The following MGAT4C variants were observed in gnomAD, a reference collection of about 807,000 sequenced individuals.
MGAT4C encodes alpha-1,3-mannosyl-glycoprotein 4-beta-N-acetylglucosaminyltransferase C.
In MGAT4C, 19 loss-of-function variants were observed where a neutral mutation model predicts 40.1. That is an observed-to-expected ratio of 0.47 (90% CI 0.33 to 0.70). The LOEUF (loss-of-function observed/expected upper bound fraction) is 0.70, where lower values mean the gene tolerates loss of function less well. MGAT4C is among the 30% of genes least tolerant of loss of function. The pLI is 0.02. For missense variants in MGAT4C, 491 were observed against 563.2 expected (o/e 0.87, Z 1.30); for synonymous variants, 181 against 187.1 (o/e 0.97, Z 0.27).
chr12:86,059,712 C>T (rs1037207129), intron 1 of MGAT4C, among the ~76,000 whole-genome samples: 31 of 152,186 alleles, frequency 2.0e-4, no homozygotes, highest in Admixed American at 1.9e-3. Context: ...TGGGAAACTT[C>T]AATGTAGCTG....
intron 2 of MGAT4C, among the ~76,000 whole-genome samples, chr12:86,642,218 A>G (rs1275684752): frequency 6.6e-6 from 1 of 151,858 alleles, no homozygotes; most frequent in Non-Finnish European, 1.5e-5. Context: ...ACATTTGTTC[A>G]ACCTATTAGC....
intron 1 of MGAT4C, among the ~76,000 whole-genome samples, chr12:86,832,946 T>A (rs1291592360): frequency 1.3e-5 from 2 of 151,868 alleles, no homozygotes; most frequent in Non-Finnish European, 1.5e-5. Context: ...TTTTCATATA[T>A]CGTTTTAACA....
At chr12:86,353,894 ATAGC>A (rs1232181352) in intron 3 of MGAT4C, among the ~76,000 whole-genome samples, 1 of 152,138 alleles carries the variant, frequency 6.6e-6, no homozygotes, top group African/African-American at 2.4e-5. Flanking sequence ...CTCTGGCCTC[ATAGC>A]TAGAGTACCA....
intron 3 of MGAT4C, among the ~76,000 whole-genome samples, chr12:86,413,028 T>C (rs900296768): frequency 2.0e-5 from 3 of 152,216 alleles, no homozygotes; most frequent in Admixed American, 6.6e-5. Flanking sequence ...TTTTTTAATA[T>C]ATATTCCAAG....
chr12:86,390,667 C>T (rs1481014537), intron 3 of MGAT4C, among the ~76,000 whole-genome samples: 1 of 152,054 alleles, frequency 6.6e-6, no homozygotes, highest in East Asian at 1.9e-4. Flanking sequence ...ATTTGAATCA[C>T]AAACAAATAA....
At chr12:86,082,609 G>A (rs1246322594) in intron 1 of MGAT4C, among the ~76,000 whole-genome samples, 1 of 152,072 alleles carries the variant, frequency 6.6e-6, no homozygotes, top group Non-Finnish European at 1.5e-5. Flanking sequence ...ATGGCATATT[G>A]TAAGTTTCAG....
intron 1 of MGAT4C, among the ~76,000 whole-genome samples, chr12:86,101,382 G>T (rs771205929): frequency 1.5e-4 from 22 of 151,700 alleles, no homozygotes; most frequent in Non-Finnish European, 2.1e-4. Context: ...CCTTTACAAA[G>T]AATAAGTATT....
intron 2 of MGAT4C, among the ~76,000 whole-genome samples, chr12:86,486,494 A>C (rs1456071221): frequency 6.6e-6 from 1 of 152,068 alleles, no homozygotes; most frequent in East Asian, 1.9e-4. Context: ...AGGAAAAAAA[A>C]GGGATAAAGG....
intron 2 of MGAT4C, among the ~76,000 whole-genome samples, chr12:86,595,190 C>T (rs553083692): frequency 8.6e-4 from 131 of 152,232 alleles, no homozygotes; most frequent in African/African-American, 2.8e-3. Context: ...CTGTGGATTA[C>T]TCTTTAAGTA....
chr12:86,051,156 C>G (rs946195976), intron 1 of MGAT4C, among the ~76,000 whole-genome samples: 1 of 151,978 alleles, frequency 6.6e-6, no homozygotes, highest in Non-Finnish European at 1.5e-5. Context: ...ACCAGATGAT[C>G]AGGCAACCAG....
At chr12:86,754,705 G>T (rs1390989583) in intron 1 of MGAT4C, among the ~76,000 whole-genome samples, 2 of 152,070 alleles carry the variant, frequency 1.3e-5, no homozygotes, top group African/African-American at 4.8e-5. Flanking sequence ...AATGGAATTA[G>T]GCTATATATT....
At chr12:85,993,228 C>T (rs75570718) in intron 2 of MGAT4C, among the ~76,000 whole-genome samples, 2,389 of 152,242 alleles carry the variant, frequency 0.016, 27 homozygotes, top group Middle Eastern at 0.034. Flanking sequence ...ATCCTGACCA[C>T]CACTGAAAAG....
chr12:86,801,237 G>T (rs1952219787), intron 1 of MGAT4C, among the ~76,000 whole-genome samples: 1 of 151,818 alleles, frequency 6.6e-6, no homozygotes, highest in Non-Finnish European at 1.5e-5. Flanking sequence ...TCATATATTT[G>T]CAGGAAAGAA....
intron 4 of MGAT4C, among the ~76,000 whole-genome samples, chr12:86,323,192 C>T (rs879315723): frequency 6.7e-6 from 1 of 150,206 alleles, no homozygotes; most frequent in Non-Finnish European, 1.5e-5. Flanking sequence ...GCTGGAAAAA[C>T]AATTTATAAT....
chr12:86,185,463 A>G (rs901749904), intron 1 of MGAT4C, among the ~76,000 whole-genome samples: 13 of 152,302 alleles, frequency 8.5e-5, no homozygotes. Flanking sequence ...GCATTTAGCA[A>G]GTCTTGGGAG....
At chr12:86,398,721 C>A (rs943060268) in intron 3 of MGAT4C, among the ~76,000 whole-genome samples, 1 of 151,748 alleles carries the variant, frequency 6.6e-6, no homozygotes, top group African/African-American at 2.4e-5. Context: ...CTGAGGCAGG[C>A]CTTAGAAACT....
intron 2 of MGAT4C, among the ~76,000 whole-genome samples, chr12:86,716,609 A>G (rs990099339): frequency 1.3e-5 from 2 of 152,096 alleles, no homozygotes; most frequent in African/African-American, 2.4e-5. Context: ...TAGTTTGCCA[A>G]TTGATTCATA....
At position 86,397,821 on chromosome 12, in the gene MGAT4C, G is replaced by C. The variant is rs535128960; in HGVS notation, c.-120+37336C>G. ...ACAAGAAAAATTTAAAAATTAGCTG[G>C]GTATGGTGGAGCGTGCCCGTAGTCC... On this transcript the variant is annotated intron_variant, in intron 3 of 7. Transcript: ENST00000548651. 5.9e-5 allele frequency among the ~76,000 whole-genome samples: 9 copies of C among 152,192 alleles called. No individual in the cohort carries two copies. The South Asian group carries it at 1.7e-3, about 28-fold the overall frequency.
At chr12:86,783,873 C>G (rs1951886905) in intron 1 of MGAT4C, among the ~76,000 whole-genome samples, 1 of 152,086 alleles carries the variant, frequency 6.6e-6, no homozygotes, top group South Asian at 2.1e-4. Flanking sequence ...TTTTGGGCAT[C>G]AAGGACTGCT....
Sources: gnomAD v4.1 joint callset for allele counts (sites outside exome capture counted in the v4.1 genomes callset) on GRCh38, gnomAD v4.1.1 for gene constraint, MANE v1.5 for transcripts, NCBI Gene and HGNC (gene_info 2026-07-23, HGNC 2026-07-21) for gene names.